Variants in FSD1L observed in about 807,000 individuals in gnomAD.
FSD1L encodes the protein FSD1-like protein.
In FSD1L, 45 loss-of-function variants were observed where a neutral mutation model predicts 71.6. The ratio of observed to expected loss-of-function variants is 0.63; its 90% CI spans 0.49 to 0.81. The LOEUF (loss-of-function observed/expected upper bound fraction) is 0.81, where lower values mean the gene tolerates loss of function less well. Ranked by LOEUF, FSD1L falls within the 30% of genes least tolerant of loss-of-function variation. The pLI is 0.00. For synonymous variants in FSD1L, 197 were observed against 207.2 expected, an observed-to-expected ratio of 0.95 and a Z score of 0.42; for missense variants, 561 against 618.1, an observed-to-expected ratio of 0.91 and a Z score of 0.98.
chr9:105,465,470 C>G (rs1274968075), intron 3 of FSD1L, among the ~76,000 whole-genome samples: 1 of 152,074 alleles, frequency 6.6e-6, no homozygotes, highest in Non-Finnish European at 1.5e-5. Context: ...GAAATACAGG[C>G]CAGTATTCCT....
chr9:105,522,965 T>A (rs977722950), intron 10 of FSD1L: 50 of 1,613,884 alleles, frequency 3.1e-5, no homozygotes, highest in Non-Finnish European at 4.2e-5. Flanking sequence ...GCAGTGATCT[T>A]ATCAGCTCAG....
At chr9:105,523,249 G>A (rs1641733891) in intron 10 of FSD1L, 4 of 1,608,506 alleles carry the variant, frequency 2.5e-6, no homozygotes, top group East Asian at 2.2e-5. Context: ...CTGTGCTCCA[G>A]GTCACAGACT....
chr9:105,525,042 T>A, intron 10 of FSD1L: 1 of 1,582,010 alleles, frequency 6.3e-7, no homozygotes. Context: ...AATGTCAGAA[T>A]CATAGTACGT....
At chr9:105,490,494 A>G (rs973411904) in intron 7 of FSD1L, among the ~76,000 whole-genome samples, 1 of 151,590 alleles carries the variant, frequency 6.6e-6, no homozygotes, top group Non-Finnish European at 1.5e-5. Flanking sequence ...TGCTGTGCAG[A>G]AGCTCTTTAG....
At chr9:105,444,813 C>T (rs1225051593), upstream of FSD1L, among the ~76,000 whole-genome samples, 3 of 152,128 alleles carry the variant, frequency 2.0e-5, no homozygotes, top group African/African-American at 2.4e-5. Context: ...TTTGCTTTCT[C>T]GCAGTTCAAT....
At chr9:105,468,432 G>C in intron 4 of FSD1L, 108 bp downstream of exon 4, 1 of 768,256 alleles carries the variant, frequency 1.3e-6, no homozygotes, top group Non-Finnish European at 1.9e-6. Context: ...CCCTTACCTC[G>C]TAGAAGAATG....
chr9:105,456,853 C>T (rs1029363611), intron 1 of FSD1L, among the ~76,000 whole-genome samples: 1 of 152,114 alleles, frequency 6.6e-6, no homozygotes, highest in African/African-American at 2.4e-5. Context: ...TAGTTGTCAC[C>T]ACATGAATCT....
chr9:105,452,661 G>GCCTT lies in FSD1L; in HGVS notation c.15+4429_15+4430insTCCT, dbSNP rs1442328790. 3.5e-3 allele frequency among the ~76,000 whole-genome samples: 330 copies of GCCTT among 95,224 alleles called. 1 individual carries two copies. The highest frequency in any genetic ancestry group is 5.6e-3 in the Middle Eastern group (1 of 178). The allele number at this position is 95,224 out of a possible 152,430, so 62.5% of individuals were successfully genotyped here. On this transcript the variant is annotated intron_variant, in intron 1 of 13. Coordinates refer to ENST00000481272, the MANE Select transcript of FSD1L (RefSeq NM_001145313.3). ...TGCCTGCCTGCCTGCCTGCCTGCCT[G>GCCTT]CCTGCCTGCCTTCCTTCCTTCCTTC...
intron 1 of FSD1L, among the ~76,000 whole-genome samples, chr9:105,453,910 T>C (rs1261623937): frequency 1.3e-5 from 2 of 152,252 alleles, no homozygotes; most frequent in Non-Finnish European, 2.9e-5. Flanking sequence ...TTTCACTCTT[T>C]GTTGGCACTT....
intron 3 of FSD1L, among the ~76,000 whole-genome samples, chr9:105,466,737 A>G (rs1327243398): frequency 2.6e-5 from 4 of 152,056 alleles, no homozygotes; most frequent in African/African-American, 4.8e-5. Context: ...GAACTATTTT[A>G]TTGGAAAATT....
upstream of FSD1L, among the ~76,000 whole-genome samples, chr9:105,443,341 G>GCTTTCATCT (rs76199708): frequency 1.3e-5 from 2 of 152,150 alleles, no homozygotes; most frequent in African/African-American, 4.8e-5. Context: ...TTCATCTGCA[G>GCTTTCATCT]GGAAACTCAT....
At chr9:105,507,968 G>A (rs948929360) in intron 8 of FSD1L, among the ~76,000 whole-genome samples, 8 of 147,588 alleles carry the variant, frequency 5.4e-5, no homozygotes, top group Non-Finnish European at 8.9e-5. Flanking sequence ...CTCGGCTCAC[G>A]GCAACCTCTG....
chr9:105,506,348 G>C, intron 7 of FSD1L, 51 bp from the exon 8 acceptor site: 1 of 1,302,686 alleles, frequency 7.7e-7, no homozygotes, highest in Non-Finnish European at 1.1e-6. Context: ...TTTGATTAGT[G>C]TTGTAATAAA....
At chr9:105,525,936 A>T in intron 10 of FSD1L, 1 of 1,568,174 alleles carries the variant, frequency 6.4e-7, no homozygotes, top group East Asian at 2.2e-5. Context: ...CTTTGACCAA[A>T]AAATTGAGAC....
chr9:105,442,913 A>G (rs1166998893), upstream of FSD1L, among the ~76,000 whole-genome samples: 1 of 152,230 alleles, frequency 6.6e-6, no homozygotes, highest in Non-Finnish European at 1.5e-5. Context: ...GGGTCTAATT[A>G]TACCTATGGG....
intron 7 of FSD1L, among the ~76,000 whole-genome samples, chr9:105,501,148 T>A (rs1240176839): frequency 6.6e-6 from 1 of 152,194 alleles, no homozygotes; most frequent in Non-Finnish European, 1.5e-5. Context: ...GGCTTATTTT[T>A]GCACACATTC....
chr9:105,491,686 T>A (rs1832950059), intron 7 of FSD1L, among the ~76,000 whole-genome samples: 1 of 151,938 alleles, frequency 6.6e-6, no homozygotes, highest in Non-Finnish European at 1.5e-5. Context: ...AATACCTAAT[T>A]TATTGAGAGT....
chr9:105,450,358 G>T (rs1829914305), intron 1 of FSD1L, among the ~76,000 whole-genome samples: 1 of 152,164 alleles, frequency 6.6e-6, no homozygotes, highest in Middle Eastern at 3.2e-3. Context: ...TGTTTGTTAG[G>T]CATTGGGATT....
At chr9:105,469,419 C>T (rs576178146) in intron 4 of FSD1L, among the ~76,000 whole-genome samples, 46 of 150,840 alleles carry the variant, frequency 3.0e-4, no homozygotes, top group African/African-American at 2.7e-4. Context: ...ATGTGCTTGC[C>T]GGTGCTTTTT....
Sources: gnomAD v4.1 joint callset for allele counts (sites outside exome capture counted in the v4.1 genomes callset) on GRCh38, gnomAD v4.1.1 for gene constraint, MANE v1.5 for transcripts, NCBI Gene and HGNC (gene_info 2026-07-23, HGNC 2026-07-21) for gene names.